REV3L: variants seen among roughly 807,000 people sequenced by gnomAD.
REV3L encodes DNA polymerase zeta catalytic subunit.
A neutral mutation model predicts 299.4 loss-of-function variants in REV3L; 69 were observed. That is an observed-to-expected ratio of 0.23 (90% CI 0.19 to 0.28). REV3L has a LOEUF of 0.28. Among genes scored for constraint, REV3L ranks in the 10% least tolerant of loss-of-function variants. The pLI, the probability that REV3L is intolerant of heterozygous loss-of-function variation, is 1.00. For missense variants in REV3L, 3,128 were observed against 3,693.8 expected, an observed-to-expected ratio of 0.85 and a Z score of 3.97; for synonymous variants, 1,238 against 1,271.4, an observed-to-expected ratio of 0.97 and a Z score of 0.56.
At chr6:111,471,915 G>A in intron 1 of REV3L, 1 of 549,662 alleles carries the variant, frequency 1.8e-6, no homozygotes, top group South Asian at 2.9e-5. Context: ...TGATATTTAA[G>A]TTGTTAGTTA....
chr6:111,401,950 A>G (rs1783126864), intron 4 of REV3L, among the ~76,000 whole-genome samples: 1 of 151,668 alleles, frequency 6.6e-6, no homozygotes, highest in South Asian at 2.1e-4. Flanking sequence ...TATCTCTACA[A>G]AAAAAATACC....
intron 1 of REV3L, among the ~76,000 whole-genome samples, chr6:111,429,603 G>C (rs1786617191): frequency 6.6e-6 from 1 of 151,944 alleles, no homozygotes; most frequent in Non-Finnish European, 1.5e-5. Flanking sequence ...AACCCATTAA[G>C]AGATAGGCAA....
intron 25 of REV3L, among the ~76,000 whole-genome samples, chr6:111,327,362 C>T (rs999085489): frequency 6.6e-6 from 1 of 152,016 alleles, no homozygotes. Flanking sequence ...CAAGACCAGC[C>T]TGGGCAGCAG....
chr6:111,380,254 G>GT, intron 10 of REV3L, 35 bp from the exon 11 acceptor site: 1 of 1,435,434 alleles, frequency 7.0e-7, no homozygotes, highest in Non-Finnish European at 9.7e-7. Context: ...CAACAAATAA[G>GT]TTTTCTTTTT....
intron 1 of REV3L, among the ~76,000 whole-genome samples, chr6:111,426,452 A>G (rs982913819): frequency 3.9e-5 from 6 of 152,210 alleles, no homozygotes; most frequent in Admixed American, 3.9e-4. Context: ...AAGGGAATCA[A>G]TTAACCCATT....
Position 111,351,594 on chromosome 6 carries a change from A to C in REV3L, c.7300+82T>G, listed in dbSNP as rs184931402. On this transcript the variant is annotated intron_variant, in intron 19 of 31. Coordinates refer to ENST00000368802, the MANE Select transcript of REV3L (RefSeq NM_001372078.1). Reference sequence around the variant, plus strand: ...GTACTAAAAAATTGGGCTACAGCATAAGTACTCTTTAACATTCTGTCTTTA... The same window carrying C: ...GTACTAAAAAATTGGGCTACAGCATCAGTACTCTTTAACATTCTGTCTTTA... 550 of 1,045,984 alleles carry C rather than the reference A, an allele frequency of 5.3e-4. 1 individual carries two copies. The highest frequency in any genetic ancestry group is 1.3e-3 in the Middle Eastern group (6 of 4,798). The allele number at this position is 1,045,984 out of a possible 1,614,324, so 64.8% of individuals were successfully genotyped here.
chr6:111,356,470 T>A (rs1446772501), intron 18 of REV3L, among the ~76,000 whole-genome samples: 1 of 152,196 alleles, frequency 6.6e-6, no homozygotes, highest in African/African-American at 2.4e-5. Context: ...AAAAGAGATT[T>A]TTTAAGGAGC....
chr6:111,331,605 T>C, intron 24 of REV3L, 71 bp downstream of exon 24: 4 of 1,014,306 alleles, frequency 3.9e-6, no homozygotes, highest in Non-Finnish European at 5.8e-6. Flanking sequence ...GTGCCAACAA[T>C]ATCTAAACCA....
chr6:111,422,399 A>C (rs1027801797), intron 1 of REV3L, among the ~76,000 whole-genome samples: 1 of 151,760 alleles, frequency 6.6e-6, no homozygotes, highest in African/African-American at 2.4e-5. Flanking sequence ...TGTTCTTTAT[A>C]GAAAAAGTTT....
At position 111,367,795 on chromosome 6, in the gene REV3L, T is replaced by C. The variant is rs768308437; in HGVS notation, c.5993A>G (p.Lys1998Arg). ...EDKKIVIMPCKCAPSRQLVQV... is the reference protein window; with the variant it reads ...EDKKIVIMPCRCAPSRQLVQV... ...AACCAGTTGTCGACTTGGGGCACAT[T>C]TGCAAGGCATAATCACAATTTTTTT... The change falls in exon 14 of 32, where the codon AAA (lysine) becomes AGA (arginine). Residue 1998 changes from lysine (K) to arginine (R), a missense_variant. Physicochemically the swap from Lys to Arg is conservative, Grantham distance 26. Coordinates refer to ENST00000368802, the MANE Select transcript of REV3L (RefSeq NM_001372078.1). 3.7e-6 allele frequency: 6 copies of C among 1,614,058 alleles called. No homozygotes were observed. The highest frequency in any genetic ancestry group is 2.7e-5 in the African/African-American group (2 of 74,912).
At chr6:111,390,039 T>A (rs900351437) in intron 6 of REV3L, 47 bp downstream of exon 6, 1 of 1,383,770 alleles carries the variant, frequency 7.2e-7, no homozygotes, top group African/African-American at 1.5e-5. Flanking sequence ...CGCCGGTCAT[T>A]AATTTTAAAA....
chr6:111,368,677 T>C (rs930989270), intron 13 of REV3L, among the ~76,000 whole-genome samples: 13 of 152,210 alleles, frequency 8.5e-5, no homozygotes, highest in African/African-American at 3.1e-4. Flanking sequence ...GGGAAATCAC[T>C]AATGAAAACA....
intron 19 of REV3L, among the ~76,000 whole-genome samples, chr6:111,350,837 C>T (rs751805083): frequency 2.7e-4 from 41 of 151,838 alleles, no homozygotes; most frequent in Non-Finnish European, 3.8e-4. Flanking sequence ...AAGCCTCCCA[C>T]CTTGGCCTCC....
At chr6:111,325,868 T>G (rs1272247788) in intron 25 of REV3L, among the ~76,000 whole-genome samples, 2 of 152,236 alleles carry the variant, frequency 1.3e-5, no homozygotes, top group Non-Finnish European at 2.9e-5. Context: ...TACTATATTT[T>G]ATTCATTCTA....
At chr6:111,397,977 C>A (rs1197653511) in intron 4 of REV3L, among the ~76,000 whole-genome samples, 1 of 150,318 alleles carries the variant, frequency 6.7e-6, no homozygotes, top group Non-Finnish European at 1.5e-5. Context: ...TCTAGATTAT[C>A]TGCCTAATGC....
At chr6:111,396,646 T>G (rs1782543760) in intron 4 of REV3L, among the ~76,000 whole-genome samples, 1 of 152,170 alleles carries the variant, frequency 6.6e-6, no homozygotes, top group Non-Finnish European at 1.5e-5. Flanking sequence ...GGGAGACCTT[T>G]AAATTACAGA....
At chr6:111,482,438 G>A (rs1417720701) in intron 1 of REV3L, among the ~76,000 whole-genome samples, 1 of 152,046 alleles carries the variant, frequency 6.6e-6, no homozygotes, top group Admixed American at 6.5e-5. Context: ...GGCGCCCGCG[G>A]CTTTCGCTCT....
chr6:111,433,949 A>G (rs981039117), intron 1 of REV3L, among the ~76,000 whole-genome samples: 1 of 152,240 alleles, frequency 6.6e-6, no homozygotes, highest in African/African-American at 2.4e-5. Context: ...ATGAACAAAA[A>G]AGCCTATTAT....
At chr6:111,423,129 T>C (rs942101118) in intron 1 of REV3L, among the ~76,000 whole-genome samples, 4 of 152,054 alleles carry the variant, frequency 2.6e-5, no homozygotes, top group African/African-American at 4.8e-5. Flanking sequence ...TGCTAAACCA[T>C]AGGCTGCTTA....
Sources: gnomAD v4.1 joint callset for allele counts (sites outside exome capture counted in the v4.1 genomes callset) on GRCh38, gnomAD v4.1.1 for gene constraint, MANE v1.5 for transcripts, NCBI Gene and HGNC (gene_info 2026-07-23, HGNC 2026-07-21) for gene names.